The following DIP2C variants were observed in gnomAD, a reference collection of about 807,000 sequenced individuals.
DIP2C encodes the protein DIP2 acetate--CoA ligase C (putative).
In DIP2C, 33 loss-of-function variants were observed where a neutral mutation model predicts 192.4. That is an observed-to-expected ratio of 0.17 (90% CI 0.13 to 0.23). The LOEUF (loss-of-function observed/expected upper bound fraction) is 0.23. DIP2C is among the 10% of genes least tolerant of loss of function. The pLI is 1.00. For synonymous variants in DIP2C, 979 were observed against 864.1 expected (o/e 1.13, Z -2.33); for missense variants, 1,537 against 2,110.1 (o/e 0.73, Z 5.32).
At chr10:678,720 C>T (rs1421344318) in intron 1 of DIP2C, among the ~76,000 whole-genome samples, 5 of 21,750 alleles carry the variant, frequency 2.3e-4, no homozygotes, top group South Asian at 5.1e-3. Flanking sequence ...CCCATGCTCC[C>T]CACACCCGTG....
intron 30 of DIP2C, among the ~76,000 whole-genome samples, chr10:327,516 T>C (rs1266586500): frequency 6.6e-6 from 1 of 152,156 alleles, no homozygotes; most frequent in African/African-American, 2.4e-5. Context: ...ATCTGATACA[T>C]TCTTCTGGGC....
chr10:527,851 C>G (rs1847147901), intron 1 of DIP2C, among the ~76,000 whole-genome samples: 1 of 152,242 alleles, frequency 6.6e-6, no homozygotes, highest in South Asian at 2.1e-4. Context: ...CTTCCCGTCC[C>G]TGGGCCAGCT....
At chr10:464,299 GA>G (rs1027653647) in intron 3 of DIP2C, among the ~76,000 whole-genome samples, 121 of 150,250 alleles carry the variant, frequency 8.1e-4, no homozygotes, top group African/African-American at 2.6e-3. Flanking sequence ...AAATTTACAA[GA>G]AAAAACAACC....
intron 3 of DIP2C, among the ~76,000 whole-genome samples, chr10:449,303 CCATA>C (rs1033283339): frequency 3.9e-5 from 6 of 152,142 alleles, no homozygotes; most frequent in African/African-American, 1.4e-4. Context: ...CTCCACCTCC[CCATA>C]CAAAGGCAAG....
chr10:376,279 C>G (rs1961574739), intron 17 of DIP2C, among the ~76,000 whole-genome samples: 1 of 140,488 alleles, frequency 7.1e-6, no homozygotes, highest in Non-Finnish European at 1.5e-5. Context: ...GGAGAAGGAC[C>G]CAGGCCCACC....
At chr10:598,786 T>C (rs1453866150) in intron 1 of DIP2C, among the ~76,000 whole-genome samples, 1 of 152,202 alleles carries the variant, frequency 6.6e-6, no homozygotes, top group East Asian at 1.9e-4. Flanking sequence ...TGAAGGCATC[T>C]GAGCAGAAGG....
intron 1 of DIP2C, among the ~76,000 whole-genome samples, chr10:684,465 C>G (rs1831240383): frequency 6.6e-6 from 1 of 152,188 alleles, no homozygotes; most frequent in South Asian, 2.1e-4. Context: ...CAATGAAGCT[C>G]AGCTTTCCCA....
At chr10:661,297 T>C (rs1250142964) in intron 1 of DIP2C, among the ~76,000 whole-genome samples, 1 of 152,182 alleles carries the variant, frequency 6.6e-6, no homozygotes. Context: ...CTTTCTTCCG[T>C]GTACCTTTGC....
At chr10:393,031 T>TGC (rs1963623616) in intron 10 of DIP2C, among the ~76,000 whole-genome samples, 1 of 152,222 alleles carries the variant, frequency 6.6e-6, no homozygotes, top group African/African-American at 2.4e-5. Context: ...GGGACCCGGC[T>TGC]GCACCTGGAC....
chr10:531,942 T>C (rs1003921614), intron 1 of DIP2C, among the ~76,000 whole-genome samples: 5 of 152,226 alleles, frequency 3.3e-5, no homozygotes, highest in Non-Finnish European at 7.3e-5. Flanking sequence ...TAGTTATAAC[T>C]CTAACTTTGT....
chr10:337,447 T>C (rs1338774597), intron 29 of DIP2C, among the ~76,000 whole-genome samples: 44 of 128,412 alleles, frequency 3.4e-4, no homozygotes, highest in Non-Finnish European at 9.7e-5. Flanking sequence ...TGATTGTGTG[T>C]GCGTGTGTGT....
At chr10:655,426 A>G (rs1214065833) in intron 1 of DIP2C, among the ~76,000 whole-genome samples, 5 of 151,896 alleles carry the variant, frequency 3.3e-5, no homozygotes, top group African/African-American at 4.8e-5. Context: ...ACTATTCCAC[A>G]CTACGCTATG....
At chr10:445,076 C>G (rs998361308) in intron 3 of DIP2C, among the ~76,000 whole-genome samples, 1 of 152,246 alleles carries the variant, frequency 6.6e-6, no homozygotes, top group Non-Finnish European at 1.5e-5. Context: ...CTAGCACCTG[C>G]TACCATCCTC....
At chr10:543,414 T>C (rs1213507010) in intron 1 of DIP2C, among the ~76,000 whole-genome samples, 1 of 152,216 alleles carries the variant, frequency 6.6e-6, no homozygotes, top group African/African-American at 2.4e-5. Context: ...CCTGTTGCCA[T>C]GGAAATTAAA....
chr10:286,236 GA>G lies in DIP2C; in HGVS notation c.4119+36del, dbSNP rs1297520518. The G allele has an allele frequency of 3.1e-6, 5 of 1,607,384 alleles. No individual in the cohort carries two copies. In the Admixed American group the frequency reaches 8.3e-5, roughly 27 times the overall value. The stretch of plus-strand genomic sequence containing the variant: ...CAAGGCAAGCCAAGGATACATAACA[GA>G]AAAGTAACCTGGATCTCGGAGGACA... On this transcript the variant is annotated intron_variant, in intron 34 of 36. Transcript: ENST00000280886.
intron 1 of DIP2C, among the ~76,000 whole-genome samples, chr10:536,382 G>A (rs1172757202): frequency 2.6e-5 from 4 of 150,950 alleles, no homozygotes; most frequent in East Asian, 1.9e-4. Context: ...TCACAGTCCC[G>A]GGGGCTAGAG....
At chr10:523,356 C>G (rs2487814) in intron 1 of DIP2C, among the ~76,000 whole-genome samples, 87,399 of 113,598 alleles carry the variant, frequency 0.77, 35,171 homozygotes, top group East Asian at 0.85. Context: ...CCTGGAGTGA[C>G]GATGCAGGGA....
intron 1 of DIP2C, among the ~76,000 whole-genome samples, chr10:568,697 C>T (rs1185403882): frequency 3.1e-5 from 4 of 129,304 alleles, no homozygotes; most frequent in African/African-American, 8.6e-5. Flanking sequence ...ACCCGGGAGG[C>T]GGAGCTTGCA....
At chr10:529,076 C>T (rs1338960139) in intron 1 of DIP2C, among the ~76,000 whole-genome samples, 2 of 152,182 alleles carry the variant, frequency 1.3e-5, no homozygotes, top group African/African-American at 2.4e-5. Flanking sequence ...CTGCCCAAGT[C>T]GAGTTAGACT....
Sources: allele counts gnomAD v4.1 joint callset (sites outside exome capture counted in the v4.1 genomes callset), GRCh38; gene constraint gnomAD v4.1.1; transcripts MANE v1.5; gene names NCBI Gene and HGNC (gene_info 2026-07-23, HGNC 2026-07-21).